Variants in DAPK1 observed in about 807,000 individuals in gnomAD.
DAPK1 encodes death associated protein kinase 1.
In DAPK1, 56 loss-of-function variants were observed where a neutral mutation model predicts 144.9. The ratio of observed to expected loss-of-function variants is 0.39; its 90% CI spans 0.31 to 0.48. The LOEUF is 0.48. Among genes scored for constraint, DAPK1 ranks in the 20% least tolerant of loss-of-function variants. The probability of loss-of-function intolerance (pLI) is 0.95; values close to 1 mark genes in which losing one functional copy is unlikely to be tolerated. For synonymous variants in DAPK1, 690 were observed against 749.0 expected, an observed-to-expected ratio of 0.92 and a Z score of 1.29; for missense variants, 1,454 against 1,875.4, an observed-to-expected ratio of 0.78 and a Z score of 4.15.
intron 3 of DAPK1, among the ~76,000 whole-genome samples, chr9:87,605,540 G>C (rs1473065771): frequency 6.6e-6 from 1 of 151,940 alleles, no homozygotes; most frequent in Non-Finnish European, 1.5e-5. Context: ...TCCTCTCTCT[G>C]TTTGTTTTTC....
chr9:87,679,835 T>G (rs1313494572), intron 19 of DAPK1, among the ~76,000 whole-genome samples: 2 of 152,106 alleles, frequency 1.3e-5, no homozygotes. Flanking sequence ...GCATGGAGCT[T>G]GTACGTTGGA....
At chr9:87,576,533 A>G (rs746058841) in intron 2 of DAPK1, among the ~76,000 whole-genome samples, 35 of 151,906 alleles carry the variant, frequency 2.3e-4, no homozygotes, top group Non-Finnish European at 1.0e-4. Context: ...CTGATAAATT[A>G]CTGTGTTTCT....
chr9:87,508,970 A>G (rs1204398687), intron 2 of DAPK1, among the ~76,000 whole-genome samples: 1 of 152,156 alleles, frequency 6.6e-6, no homozygotes, highest in African/African-American at 2.4e-5. Flanking sequence ...CCCTCCTTTG[A>G]GAAGTTTTTC....
intron 2 of DAPK1, among the ~76,000 whole-genome samples, chr9:87,585,066 G>A (rs968215662): frequency 1.3e-5 from 2 of 152,194 alleles, no homozygotes; most frequent in African/African-American, 4.8e-5. Flanking sequence ...TGAGTACCAT[G>A]TATATATTTT....
chr9:87,529,375 C>T (rs554878527), intron 2 of DAPK1, among the ~76,000 whole-genome samples: 43 of 152,298 alleles, frequency 2.8e-4, no homozygotes, highest in African/African-American at 1.0e-3. Context: ...TCCAGTAACA[C>T]TAGTACCTAG....
chr9:87,660,479 G>C (rs1830803094), intron 18 of DAPK1, among the ~76,000 whole-genome samples: 1 of 152,162 alleles, frequency 6.6e-6, no homozygotes, highest in African/African-American at 2.4e-5. Context: ...TAAATTTATT[G>C]ATTGATTTAT....
At chr9:87,668,122 T>TA (rs1286691842) in intron 18 of DAPK1, 1 of 153,238 alleles carries the variant, frequency 6.5e-6, no homozygotes, top group African/African-American at 2.4e-5. Context: ...TCAAACTAAG[T>TA]ATTTCCTTTG....
Position 87,528,832 on chromosome 9 carries a change from A to G in DAPK1, c.62+29693A>G, listed in dbSNP as rs939183647. On this transcript the variant is annotated intron_variant, in intron 2 of 25. Coordinates refer to ENST00000408954, the MANE Select transcript of DAPK1 (RefSeq NM_004938.4). ...GGTTGCAGTGAACCGAGATCGCGCC[A>G]CTGCACTCCAGCCTGGGTGACAGAG... 6.2e-5 allele frequency among the ~76,000 whole-genome samples: 9 copies of G among 144,756 alleles called. 1 individual carries two copies. Among genetic ancestry groups the G allele is most frequent in the African/African-American group, 1.6e-4 (6 of 38,534 alleles). The allele number at this position is 144,756 out of a possible 152,430, so 95.0% of individuals were successfully genotyped here. A position where few individuals can be genotyped will look rare whatever the true frequency, so the allele number is the denominator to read the frequency against.
chr9:87,554,104 G>T (rs897464789), intron 2 of DAPK1: 1 of 152,202 alleles, frequency 6.6e-6, no homozygotes, highest in Non-Finnish European at 1.5e-5. Flanking sequence ...GCCTTAGCAG[G>T]TTCCCAGACC....
At chr9:87,525,426 A>G (rs753134536) in intron 2 of DAPK1, 2 of 1,610,846 alleles carry the variant, frequency 1.2e-6, no homozygotes, top group Non-Finnish European at 1.7e-6. Context: ...ATGTGCCGCC[A>G]GTGTTTCCGT....
intron 19 of DAPK1, among the ~76,000 whole-genome samples, chr9:87,675,449 A>G (rs1393674005): frequency 2.0e-5 from 3 of 152,064 alleles, no homozygotes; most frequent in African/African-American, 7.2e-5. Context: ...ATAAAACAAC[A>G]AAGAAGGAGG....
chr9:87,654,120 T>C (rs1830551960), intron 17 of DAPK1, among the ~76,000 whole-genome samples: 1 of 152,166 alleles, frequency 6.6e-6, no homozygotes, highest in Non-Finnish European at 1.5e-5. Flanking sequence ...AATGGAGAAA[T>C]GAAAATAACT....
intron 2 of DAPK1, among the ~76,000 whole-genome samples, chr9:87,576,747 G>A (rs1032724969): frequency 6.6e-6 from 1 of 152,078 alleles, no homozygotes; most frequent in Non-Finnish European, 1.5e-5. Flanking sequence ...TAGTAGAGAC[G>A]GGGTTTCACC....
At chr9:87,617,971 G>A (rs1046953033) in intron 3 of DAPK1, among the ~76,000 whole-genome samples, 7 of 152,148 alleles carry the variant, frequency 4.6e-5, no homozygotes, top group South Asian at 4.1e-4. Context: ...CTAGTCTTCC[G>A]TGATGTCCTG....
chr9:87,598,486 T>G (rs1211439018), intron 2 of DAPK1, among the ~76,000 whole-genome samples: 1 of 152,204 alleles, frequency 6.6e-6, no homozygotes, highest in Non-Finnish European at 1.5e-5. Flanking sequence ...GTCACTTTTT[T>G]TTTTGATCTG....
intron 3 of DAPK1, chr9:87,631,972 A>G: frequency 1.6e-6 from 1 of 621,936 alleles, no homozygotes; most frequent in Non-Finnish European, 2.0e-6. Context: ...GGATGAGTAT[A>G]TATGTAGAAA....
rs754329945 is a variant in DAPK1, at chr9:87,668,638, C to T, written c.1965C>T (p.His655=). The T allele has an allele frequency of 1.6e-5, 24 of 1,478,068 alleles. No homozygotes were observed. The highest frequency in any genetic ancestry group is 1.4e-4 in the East Asian group (6 of 44,246). 91.6% of individuals were successfully genotyped at this position (1,478,068 alleles called of 1,614,324 possible). The part of the protein sequence containing the change: ...TAEDLARSEQ[H]EHVAGLLARL... ...AAGATCTTGCTAGATCGGAACAGCA[C>T]GAGCACGTAGCAGGTCTCCTTGCAA... Residue 655 remains histidine (H), a synonymous_variant, in exon 19 of 26, where the codon CAC becomes CAT. Coordinates refer to ENST00000408954, the MANE Select transcript of DAPK1 (RefSeq NM_004938.4).
chr9:87,703,315 G>A, intron 25 of DAPK1, 98 bp downstream of exon 25: 1 of 679,494 alleles, frequency 1.5e-6, no homozygotes. Context: ...GCCTGGGGAA[G>A]CAGTGTGGAA....
chr9:87,668,867 T>C (rs1272820225), intron 19 of DAPK1, 193 bp downstream of exon 19: 19 of 567,320 alleles, frequency 3.3e-5, no homozygotes. Flanking sequence ...TCTTCTCTAT[T>C]TGGACTTGGA....
Sources: allele counts gnomAD v4.1 joint callset (sites outside exome capture counted in the v4.1 genomes callset), GRCh38; gene constraint gnomAD v4.1.1; transcripts MANE v1.5; gene names NCBI Gene and HGNC (gene_info 2026-07-23, HGNC 2026-07-21).